Variants in SMG6 observed in about 807,000 individuals in gnomAD.
SMG6 encodes telomerase-binding protein EST1A.
In SMG6, 66 loss-of-function variants were observed where a neutral mutation model predicts 142.2. That is an observed-to-expected ratio of 0.46 (90% CI 0.38 to 0.57). SMG6 has a LOEUF of 0.57. Among genes scored for constraint, SMG6 ranks in the 20% least tolerant of loss-of-function variants. The pLI, the probability that SMG6 is intolerant of heterozygous loss-of-function variation, is 0.00. For synonymous variants in SMG6, 779 were observed against 702.4 expected (o/e 1.11, Z -1.72); for missense variants, 1,793 against 1,832.0 (o/e 0.98, Z 0.39).
chr17:2,134,942 C>T (rs758954767), intron 13 of SMG6, among the ~76,000 whole-genome samples: 27 of 152,004 alleles, frequency 1.8e-4, no homozygotes, highest in Non-Finnish European at 3.4e-4. Context: ...TTCCGTGGCA[C>T]GAACTCGGCT....
chr17:2,165,471 A>T (rs998238814), intron 13 of SMG6, among the ~76,000 whole-genome samples: 1 of 152,358 alleles, frequency 6.6e-6, no homozygotes, highest in Non-Finnish European at 1.5e-5. Flanking sequence ...GCCTGGGACC[A>T]GAAGTGTTTC....
chr17:2,082,504 G>C (rs2068452325), intron 14 of SMG6, among the ~76,000 whole-genome samples: 3 of 152,236 alleles, frequency 2.0e-5, no homozygotes, highest in Admixed American at 2.0e-4. Flanking sequence ...GAAGACTCCA[G>C]CCTGGTGGTG....
At chr17:2,210,064 A>G (rs2072802332) in intron 10 of SMG6, among the ~76,000 whole-genome samples, 3 of 152,098 alleles carry the variant, frequency 2.0e-5, no homozygotes, top group African/African-American at 7.2e-5. Flanking sequence ...GGGGGTATAA[A>G]GACTCAGCCC....
At chr17:2,095,217 T>C (rs770925714) in intron 13 of SMG6, 1 of 152,182 alleles carries the variant, frequency 6.6e-6, no homozygotes, top group Non-Finnish European at 1.5e-5. Flanking sequence ...TCTGTCTCAG[T>C]CTGCAAATAT....
Position 2,071,480 on chromosome 17 carries a change from G to A in SMG6, c.3682-2549C>T, listed in dbSNP as rs1199698936. On this transcript the variant is annotated intron_variant, in intron 15 of 18. Transcript: ENST00000263073. The surrounding 1 kb of genome is among the most constrained non-coding windows in gnomAD (Gnocchi z 5.6). ...TTCCCCGGGTTCTTAGCTCTGGCTT[G>A]CAGCTAGAAAGGTGAATAGGCCGCA... 6.6e-6 allele frequency among the ~76,000 whole-genome samples: 1 copy of A among 152,174 alleles called. No homozygotes were observed. The highest frequency in any genetic ancestry group is 1.5e-5 in the Non-Finnish European group (1 of 68,030).
At chr17:2,300,771 C>T (rs1379573048) in intron 1 of SMG6, 107 bp from the exon 2 acceptor site, 1 of 985,244 alleles carries the variant, frequency 1.0e-6, no homozygotes, top group African/African-American at 1.6e-5. Context: ...AAAAGTCGAG[C>T]AAGAATTACA....
chr17:2,194,668 A>C (rs952204298), intron 10 of SMG6, among the ~76,000 whole-genome samples: 6 of 151,104 alleles, frequency 4.0e-5, no homozygotes, highest in Admixed American at 1.3e-4. Context: ...TGAGCAACAG[A>C]GTAAGACCCT....
At chr17:2,218,060 G>A (rs922272499) in intron 10 of SMG6, among the ~76,000 whole-genome samples, 12 of 151,546 alleles carry the variant, frequency 7.9e-5, no homozygotes, top group Admixed American at 6.6e-4. Flanking sequence ...GACCATCAGA[G>A]ATGGGTAACA....
chr17:2,137,041 G>A (rs1405353141), intron 13 of SMG6, among the ~76,000 whole-genome samples: 2 of 152,134 alleles, frequency 1.3e-5, no homozygotes, highest in Non-Finnish European at 2.9e-5. Context: ...GCACACGCCT[G>A]TAGTCCCAGC....
intron 8 of SMG6, among the ~76,000 whole-genome samples, chr17:2,246,586 T>G (rs1306992460): frequency 6.6e-6 from 1 of 152,202 alleles, no homozygotes; most frequent in Non-Finnish European, 1.5e-5. Context: ...GCTCAGAATA[T>G]TTCATTGAAG....
chr17:2,108,186 T>C (rs1045848675), intron 13 of SMG6, among the ~76,000 whole-genome samples: 3 of 152,190 alleles, frequency 2.0e-5, no homozygotes, highest in African/African-American at 7.2e-5. Flanking sequence ...AAAACAGCTA[T>C]AGAAACTACA....
rs1372605503 is a variant in SMG6 at position 2,244,711 on chromosome 17, T to C, written c.2670A>G (p.Lys890=). The part of the protein sequence containing the change: ...LGSLSPSDLN[K]RFILSFLHAH... ...CATGGAGAAAACTGAGGATGAACCT[T>C]TTGTTCAGCTGCATGGGAAAAAGGG... The change falls in exon 9 of 19, where the codon AAA becomes AAG. Residue 890 remains lysine, a synonymous_variant. Transcript: ENST00000263073. The C allele has an allele frequency of 6.2e-7, 1 of 1,613,796 alleles. No individual in the cohort carries two copies. Among genetic ancestry groups the C allele is most frequent in the Admixed American group, 1.7e-5 (1 of 60,024 alleles).
chr17:2,094,349 CAAGAGATTCTTCCTAAGTAGCTGGGGCT>C (rs1299048442), intron 13 of SMG6, among the ~76,000 whole-genome samples: 1 of 152,154 alleles, frequency 6.6e-6, no homozygotes, highest in African/African-American at 2.4e-5. Context: ...CTCTTGGGTT[CAAGAGATTCTTCCTAAGTAGCTGGGGCT>C]ACAGGCACGT....
chr17:2,197,646 C>T (rs894700472), intron 10 of SMG6, among the ~76,000 whole-genome samples: 2 of 151,792 alleles, frequency 1.3e-5, no homozygotes, highest in African/African-American at 2.4e-5. Flanking sequence ...AACAACAATA[C>T]ATTTAGAAAA....
chr17:2,091,196 C>G (rs1438968538), intron 13 of SMG6, among the ~76,000 whole-genome samples: 3 of 152,156 alleles, frequency 2.0e-5, no homozygotes, highest in African/African-American at 7.2e-5. Context: ...AATGGAAGTT[C>G]AGACACAAGA....
chr17:2,101,589 G>A (rs1463035760), intron 13 of SMG6: 2 of 152,262 alleles, frequency 1.3e-5, no homozygotes, highest in Admixed American at 6.5e-5. Flanking sequence ...GCTCACCAGC[G>A]CTACCTTCCT....
intron 13 of SMG6, among the ~76,000 whole-genome samples, chr17:2,169,722 G>T (rs1158498329): frequency 6.6e-6 from 1 of 152,140 alleles, no homozygotes; most frequent in Non-Finnish European, 1.5e-5. Context: ...ATGAAGGTGG[G>T]GTCACATAAT....
chr17:2,110,502 G>T (rs1429352339), intron 13 of SMG6, among the ~76,000 whole-genome samples: 1 of 152,122 alleles, frequency 6.6e-6, no homozygotes, highest in Non-Finnish European at 1.5e-5. Flanking sequence ...GTATTTTAAA[G>T]ATAATCAACA....
intron 15 of SMG6, among the ~76,000 whole-genome samples, chr17:2,075,359 G>A (rs1193942875): frequency 6.6e-6 from 1 of 152,214 alleles, no homozygotes; most frequent in Admixed American, 6.5e-5. Flanking sequence ...GAGAACACAT[G>A]TCATTGCTGG....
Sources: gnomAD v4.1 joint callset for allele counts (sites outside exome capture counted in the v4.1 genomes callset) on GRCh38, gnomAD v4.1.1 for gene constraint, Gnocchi (gnomAD v3.1) non-coding constraint, MANE v1.5 for transcripts, NCBI Gene and HGNC (gene_info 2026-07-23, HGNC 2026-07-21) for gene names.